Variants in FAM117B observed in about 807,000 individuals in gnomAD.
FAM117B encodes the protein protein FAM117B.
Under a neutral mutation model 52.8 loss-of-function variants are expected in FAM117B, and 22 were observed. The observed-to-expected ratio is 0.42, with a 90% CI of 0.30 to 0.59. FAM117B has a LOEUF of 0.59. Among genes scored for constraint, FAM117B ranks in the 20% least tolerant of loss-of-function variants. The pLI is 0.22. For missense variants in FAM117B, 678 were observed against 802.6 expected, an observed-to-expected ratio of 0.84 and a Z score of 1.88; for synonymous variants, 309 against 324.1, an observed-to-expected ratio of 0.95 and a Z score of 0.50.
intron 2 of FAM117B, among the ~76,000 whole-genome samples, chr2:202,720,802 G>C (rs1284225600): frequency 6.6e-6 from 1 of 151,954 alleles, no homozygotes; most frequent in East Asian, 1.9e-4. Context: ...TAAACTGTTT[G>C]GTTTTGTAAT....
At chr2:202,718,032 T>C (rs957226060) in intron 2 of FAM117B, among the ~76,000 whole-genome samples, 17 of 152,146 alleles carry the variant, frequency 1.1e-4, no homozygotes, top group African/African-American at 3.6e-4. Flanking sequence ...CCCTTTTCCA[T>C]AGGCAGAGGA....
At chr2:202,685,769 A>G (rs1479926169) in intron 1 of FAM117B, among the ~76,000 whole-genome samples, 1 of 152,196 alleles carries the variant, frequency 6.6e-6, no homozygotes, top group African/African-American at 2.4e-5. Context: ...TAAACTGTAC[A>G]CAAAAGTGAA....
intron 7 of FAM117B, among the ~76,000 whole-genome samples, chr2:202,764,786 T>C (rs988379015): frequency 1.3e-5 from 2 of 152,228 alleles, no homozygotes; most frequent in Non-Finnish European, 2.9e-5. Context: ...GGATTTGGCT[T>C]TAATAAAAAG....
At chr2:202,655,190 G>C (rs1182173261) in intron 1 of FAM117B, among the ~76,000 whole-genome samples, 1 of 152,062 alleles carries the variant, frequency 6.6e-6, no homozygotes, top group East Asian at 1.9e-4. Flanking sequence ...TCATGTTATT[G>C]CATGTTTCAG....
intron 4 of FAM117B, among the ~76,000 whole-genome samples, chr2:202,730,690 A>G (rs577610732): frequency 2.0e-5 from 3 of 152,306 alleles, no homozygotes; most frequent in East Asian, 3.9e-4. Flanking sequence ...ATGAAAAAAT[A>G]AAAAATGAAA....
intron 1 of FAM117B, among the ~76,000 whole-genome samples, chr2:202,678,645 T>G (rs1358151722): frequency 6.6e-6 from 1 of 152,192 alleles, no homozygotes; most frequent in Non-Finnish European, 1.5e-5. Flanking sequence ...CTGCAACCTT[T>G]GCCTCTCGGC....
At chr2:202,667,462 C>CTGTG (rs764616974) in intron 1 of FAM117B, among the ~76,000 whole-genome samples, 1 of 151,466 alleles carries the variant, frequency 6.6e-6, no homozygotes, top group Non-Finnish European at 1.5e-5. Flanking sequence ...GTCTGTGTGT[C>CTGTG]TGTGTGTGTG....
intron 1 of FAM117B, among the ~76,000 whole-genome samples, chr2:202,649,278 A>G (rs1320799907): frequency 6.6e-6 from 1 of 152,076 alleles, no homozygotes; most frequent in East Asian, 1.9e-4. Context: ...TACCTACCAG[A>G]ATGTCTCCTT....
chr2:202,690,071 A>G (rs1018699162), intron 1 of FAM117B, among the ~76,000 whole-genome samples: 5 of 152,316 alleles, frequency 3.3e-5, no homozygotes, highest in Non-Finnish European at 4.4e-5. Context: ...AGTGCAGCTG[A>G]AATTACCCAG....
chr2:202,688,685 A>G (rs1432484525), intron 1 of FAM117B, among the ~76,000 whole-genome samples: 1 of 152,196 alleles, frequency 6.6e-6, no homozygotes, highest in Non-Finnish European at 1.5e-5. Context: ...TGAAATAGAA[A>G]TGAAATGTTT....
At chr2:202,763,593 A>T (rs1481117538) in intron 7 of FAM117B, among the ~76,000 whole-genome samples, 1 of 152,192 alleles carries the variant, frequency 6.6e-6, no homozygotes, top group African/African-American at 2.4e-5. Flanking sequence ...GTGTATTGAA[A>T]ATCATGCTCT....
intron 1 of FAM117B, among the ~76,000 whole-genome samples, chr2:202,636,169 T>G (rs1437673783): frequency 2.0e-5 from 3 of 152,218 alleles, no homozygotes; most frequent in Non-Finnish European, 4.4e-5. Flanking sequence ...TTTGTCACTT[T>G]GTTTTAGGGA....
intron 1 of FAM117B, among the ~76,000 whole-genome samples, chr2:202,654,576 C>T (rs1690024514): frequency 6.6e-6 from 1 of 151,496 alleles, no homozygotes; most frequent in Admixed American, 6.6e-5. Context: ...TTGTCTGATA[C>T]TCTTCTGTAT....
At chr2:202,668,168 CATACATATT>C (rs1559098135) in intron 1 of FAM117B, among the ~76,000 whole-genome samples, 1 of 135,022 alleles carries the variant, frequency 7.4e-6, no homozygotes, top group African/African-American at 3.0e-5. Context: ...TTATATAATA[CATACATATT>C]ATATTATATA....
intron 1 of FAM117B, among the ~76,000 whole-genome samples, chr2:202,683,785 A>T (rs1018854093): frequency 6.6e-6 from 1 of 152,230 alleles, no homozygotes; most frequent in Non-Finnish European, 1.5e-5. Context: ...AGAAGAGATA[A>T]TACCGTAACT....
chr2:202,642,232 C>T (rs1246662583), intron 1 of FAM117B, among the ~76,000 whole-genome samples: 5 of 150,444 alleles, frequency 3.3e-5, no homozygotes, highest in Admixed American at 2.0e-4. Context: ...GGATTGCAAG[C>T]GTGAGCCACC....
Position 202,664,316 on chromosome 2 carries a change from T to TA in FAM117B, c.601+28533dup, listed in dbSNP as rs1435494591. Among the ~76,000 whole-genome samples the TA allele has an allele frequency of 2.6e-5, 4 of 152,320 alleles. No homozygotes were observed. In the South Asian group the frequency reaches 8.3e-4, roughly 32 times the overall value. The stretch of plus-strand genomic sequence containing the variant: ...TTTGTGTATATGGTAGGAAAAATGA[T>TA]AAAAATATTTGAAAGAATTAGCTTG... On this transcript the variant is annotated intron_variant, in intron 1 of 7. Coordinates refer to ENST00000392238, the MANE Select transcript of FAM117B (RefSeq NM_173511.4).
At chr2:202,721,238 A>T (rs1443600035) in intron 2 of FAM117B, among the ~76,000 whole-genome samples, 2 of 152,208 alleles carry the variant, frequency 1.3e-5, no homozygotes, top group African/African-American at 4.8e-5. Flanking sequence ...ACAATTTTTG[A>T]ATTTGGAATT....
intron 1 of FAM117B, among the ~76,000 whole-genome samples, chr2:202,646,063 G>A (rs1291374960): frequency 1.4e-5 from 2 of 146,176 alleles, no homozygotes; most frequent in Non-Finnish European, 3.0e-5. Flanking sequence ...GTCTTGCTCC[G>A]TTGCCCAGGC....
Sources: gnomAD v4.1 joint callset for allele counts (sites outside exome capture counted in the v4.1 genomes callset) on GRCh38, gnomAD v4.1.1 for gene constraint, MANE v1.5 for transcripts, NCBI Gene and HGNC (gene_info 2026-07-23, HGNC 2026-07-21) for gene names.